PTPRD: variants seen among roughly 807,000 people sequenced by gnomAD.
The protein encoded by PTPRD is protein tyrosine phosphatase receptor type D, also known as receptor-type tyrosine-protein phosphatase delta.
Under a neutral mutation model 214.5 loss-of-function variants are expected in PTPRD, and 34 were observed. The observed-to-expected ratio is 0.16, with a 90% CI of 0.12 to 0.21. The LOEUF is 0.21. Among genes scored for constraint, PTPRD ranks in the 10% least tolerant of loss-of-function variants. The pLI, the probability that PTPRD is intolerant of heterozygous loss-of-function variation, is 1.00. For synonymous variants in PTPRD, 1,128 were observed against 845.7 expected, an observed-to-expected ratio of 1.33 and a Z score of -5.79; for missense variants, 2,545 against 2,398.7, an observed-to-expected ratio of 1.06 and a Z score of -1.27.
chr9:8,810,859 T>A (rs532294737), intron 11 of PTPRD, among the ~76,000 whole-genome samples: 2 of 152,260 alleles, frequency 1.3e-5, no homozygotes, highest in East Asian at 3.9e-4. Flanking sequence ...GTCTTCCCTG[T>A]GGATGAGGGA....
chr9:9,719,645 C>A (rs2097900314), intron 7 of PTPRD, among the ~76,000 whole-genome samples: 1 of 152,178 alleles, frequency 6.6e-6, no homozygotes, highest in African/African-American at 2.4e-5. Flanking sequence ...TCTGCAACAT[C>A]CCCCTCACAG....
At chr9:8,501,098 A>G (rs2137002659) in intron 23 of PTPRD, 39 bp from the exon 24 acceptor site, 2 of 1,491,474 alleles carry the variant, frequency 1.3e-6, no homozygotes, top group Non-Finnish European at 1.8e-6. Flanking sequence ...TTTAAGTGAA[A>G]GGACAGGAGT....
At chr9:9,746,424 T>C (rs10816174) in intron 6 of PTPRD, among the ~76,000 whole-genome samples, 34,275 of 152,050 alleles carry the variant, frequency 0.23, 4,763 homozygotes, top group South Asian at 0.3. Flanking sequence ...AATCTGCAGA[T>C]AGAGTAATTA....
At chr9:8,378,652 T>C (rs2083984123) in intron 37 of PTPRD, among the ~76,000 whole-genome samples, 1 of 152,058 alleles carries the variant, frequency 6.6e-6, no homozygotes, top group Admixed American at 6.6e-5. Flanking sequence ...AATAAACTAA[T>C]GAAATCCCTA....
chr9:9,004,064 A>T (rs1012422900), intron 11 of PTPRD, among the ~76,000 whole-genome samples: 1 of 152,028 alleles, frequency 6.6e-6, no homozygotes, highest in African/African-American at 2.4e-5. Context: ...CTTTAGATAA[A>T]TCTTTTTGTG....
intron 14 of PTPRD, among the ~76,000 whole-genome samples, chr9:8,570,671 T>C (rs760417161): frequency 3.9e-5 from 6 of 152,150 alleles, no homozygotes; most frequent in Admixed American, 2.6e-4. Flanking sequence ...CTCAGAGTTC[T>C]TTTCCTTTTA....
intron 11 of PTPRD, among the ~76,000 whole-genome samples, chr9:8,836,853 T>G (rs1349673136): frequency 6.6e-6 from 1 of 151,730 alleles, no homozygotes; most frequent in East Asian, 1.9e-4. Context: ...AACAGCTGAT[T>G]AGACTAGTAG....
intron 9 of PTPRD, among the ~76,000 whole-genome samples, chr9:9,275,128 T>TTATA (rs1475134955): frequency 2.8e-4 from 14 of 49,784 alleles, no homozygotes; most frequent in Non-Finnish European, 4.5e-4. Context: ...ATTATATATA[T>TTATA]TATATATAAT....
At chr9:9,611,855 A>G (rs966858208) in intron 7 of PTPRD, among the ~76,000 whole-genome samples, 1 of 152,120 alleles carries the variant, frequency 6.6e-6, no homozygotes, top group African/African-American at 2.4e-5. Flanking sequence ...TAATAAAGCT[A>G]TGCTCATTCT....
intron 10 of PTPRD, among the ~76,000 whole-genome samples, chr9:9,063,828 C>T (rs575641866): frequency 5.1e-4 from 78 of 152,276 alleles, no homozygotes; most frequent in African/African-American, 1.8e-3. Flanking sequence ...CGGCAGTTTT[C>T]CCAGTCTAAA....
At chr9:8,332,794 A>C (rs1842762248) in intron 43 of PTPRD, among the ~76,000 whole-genome samples, 1 of 152,038 alleles carries the variant, frequency 6.6e-6, no homozygotes, top group Non-Finnish European at 1.5e-5. Flanking sequence ...AAATAATCCA[A>C]GCTTAGAGAG....
chr9:10,344,625 A>G (rs1292671047), intron 2 of PTPRD, among the ~76,000 whole-genome samples: 1 of 152,126 alleles, frequency 6.6e-6, no homozygotes, highest in African/African-American at 2.4e-5. Context: ...CTTGGGTAGT[A>G]TGGCCATTTT....
chr9:8,432,661 T>G (rs1214845678), intron 35 of PTPRD, among the ~76,000 whole-genome samples: 1 of 152,216 alleles, frequency 6.6e-6, no homozygotes, highest in Non-Finnish European at 1.5e-5. Context: ...CTATTCAAAT[T>G]TATGTAGAAG....
chr9:9,422,339 G>C (rs1416337386), intron 8 of PTPRD, among the ~76,000 whole-genome samples: 1 of 152,110 alleles, frequency 6.6e-6, no homozygotes, highest in South Asian at 2.1e-4. Context: ...GGGGTGTGAA[G>C]TGAAAATCAA....
At chr9:10,258,370 G>T (rs2093441479) in intron 3 of PTPRD, among the ~76,000 whole-genome samples, 1 of 152,050 alleles carries the variant, frequency 6.6e-6, no homozygotes, top group South Asian at 2.1e-4. Context: ...CCATGAGAAG[G>T]GATGAAGGTA....
chr9:10,069,697 C>T (rs994489718), intron 3 of PTPRD, among the ~76,000 whole-genome samples: 14 of 151,806 alleles, frequency 9.2e-5, no homozygotes, highest in Admixed American at 7.2e-4. Context: ...AGAAGTAGTG[C>T]ATATGAGTAA....
chr9:9,869,333 A>G (rs1021464549), intron 5 of PTPRD, among the ~76,000 whole-genome samples: 1 of 152,122 alleles, frequency 6.6e-6, no homozygotes, highest in Non-Finnish European at 1.5e-5. Flanking sequence ...CACTAATAAA[A>G]CAATGTGGTT....
At chr9:9,893,797 T>C (rs976822951) in intron 5 of PTPRD, among the ~76,000 whole-genome samples, 8 of 151,968 alleles carry the variant, frequency 5.3e-5, no homozygotes, top group South Asian at 4.1e-4. Context: ...TACCACCTTG[T>C]CTTCTTTTAG....
intron 3 of PTPRD, among the ~76,000 whole-genome samples, chr9:10,333,889 T>C (rs1292926229): frequency 6.6e-6 from 1 of 151,808 alleles, no homozygotes; most frequent in Non-Finnish European, 1.5e-5. Context: ...ACTAATAAAT[T>C]AAATACAAGA....
Sources: allele counts gnomAD v4.1 joint callset (sites outside exome capture counted in the v4.1 genomes callset), GRCh38; gene constraint gnomAD v4.1.1; transcripts MANE v1.5; gene names NCBI Gene and HGNC (gene_info 2026-07-23, HGNC 2026-07-21).